The following XKR6 variants were observed in gnomAD, a reference collection of about 807,000 sequenced individuals.
XKR6 encodes the protein XK-related protein 6.
A neutral mutation model predicts 56.7 loss-of-function variants in XKR6; 22 were observed. The ratio of observed to expected loss-of-function variants is 0.39; its 90% CI spans 0.28 to 0.55. The LOEUF (loss-of-function observed/expected upper bound fraction) is 0.55. Among genes scored for constraint, XKR6 ranks in the 20% least tolerant of loss-of-function variants. The pLI is 0.66. For synonymous variants in XKR6, 524 were observed against 387.8 expected (o/e 1.35, Z -4.13); for missense variants, 852 against 889.0 (o/e 0.96, Z 0.53).
At chr8:11,042,317 A>T (rs1490756557) in intron 1 of XKR6, among the ~76,000 whole-genome samples, 1 of 151,794 alleles carries the variant, frequency 6.6e-6, no homozygotes, top group Non-Finnish European at 1.5e-5. Context: ...CCCAAATCTC[A>T]TCTTGAACTG....
chr8:11,018,004 A>G (rs1457086820), intron 1 of XKR6, among the ~76,000 whole-genome samples: 1 of 152,072 alleles, frequency 6.6e-6, no homozygotes, highest in African/African-American at 2.4e-5. Context: ...GGCACCTGAA[A>G]TGACAAAGGT....
intron 1 of XKR6, among the ~76,000 whole-genome samples, chr8:11,115,719 T>C (rs866710395): frequency 6.6e-6 from 1 of 152,214 alleles, no homozygotes; most frequent in East Asian, 1.9e-4. Flanking sequence ...AGGGTCCCAT[T>C]ACTGCAACGC....
At chr8:11,102,377 G>T (rs1798516597) in intron 1 of XKR6, among the ~76,000 whole-genome samples, 1 of 152,104 alleles carries the variant, frequency 6.6e-6, no homozygotes, top group Admixed American at 6.5e-5. Context: ...AGTCTAGTAA[G>T]CATCATCAAT....
At chr8:11,123,196 C>A (rs1441902710) in intron 1 of XKR6, among the ~76,000 whole-genome samples, 2 of 149,078 alleles carry the variant, frequency 1.3e-5, no homozygotes, top group Non-Finnish European at 3.0e-5. Context: ...GAGATTGTGC[C>A]ACTGCACTCC....
chr8:10,925,030 G>C (rs1800839600), intron 1 of XKR6, among the ~76,000 whole-genome samples, 200 bp from the exon 2 acceptor site: 1 of 152,130 alleles, frequency 6.6e-6, no homozygotes, highest in East Asian at 1.9e-4. Context: ...GGGCGGGGCA[G>C]GTCAGGAAAG....
At chr8:11,015,257 G>A (rs11784312) in intron 1 of XKR6, among the ~76,000 whole-genome samples, 40,440 of 151,082 alleles carry the variant, frequency 0.27, 6,178 homozygotes, top group Middle Eastern at 0.37. Context: ...CCTTAGCATT[G>A]CTCTGAAATC....
At chr8:11,039,710 G>C (rs575286022) in intron 1 of XKR6, among the ~76,000 whole-genome samples, 4 of 152,164 alleles carry the variant, frequency 2.6e-5, no homozygotes, top group African/African-American at 9.7e-5. Flanking sequence ...ATCTGTACTC[G>C]CCCCTTCCCA....
chr8:11,128,718 C>T (rs58099531), intron 1 of XKR6: 4,317 of 406,070 alleles, frequency 0.011, 170 homozygotes, highest in African/African-American at 0.078. Flanking sequence ...AACACCTATT[C>T]CATCCCATTA....
At chr8:10,924,592 A>G in intron 2 of XKR6, 42 bp downstream of exon 2, 1 of 1,570,642 alleles carries the variant, frequency 6.4e-7, no homozygotes, top group Non-Finnish European at 8.7e-7. Context: ...CCCCAGGTGG[A>G]GGGCAGGCCG....
chr8:10,937,806 C>G (rs1181474051), intron 1 of XKR6, among the ~76,000 whole-genome samples: 13 of 151,854 alleles, frequency 8.6e-5, no homozygotes, highest in African/African-American at 2.2e-4. Flanking sequence ...CTCTTCAAAG[C>G]TGTCAGACAG....
intron 1 of XKR6, among the ~76,000 whole-genome samples, chr8:11,043,308 C>A (rs549158589): frequency 1.2e-3 from 177 of 152,192 alleles, no homozygotes; most frequent in African/African-American, 4.1e-3. Flanking sequence ...GTCTCCCCTG[C>A]AGCAGGAACT....
intron 1 of XKR6, among the ~76,000 whole-genome samples, chr8:11,159,924 A>C (rs1261295697): frequency 6.6e-6 from 1 of 152,196 alleles, no homozygotes; most frequent in Non-Finnish European, 1.5e-5. Context: ...CCCCAAGGGC[A>C]AGCCAAAAGC....
intron 1 of XKR6, among the ~76,000 whole-genome samples, chr8:11,146,181 C>T (rs534403434): frequency 1.8e-4 from 27 of 152,172 alleles, no homozygotes; most frequent in Non-Finnish European, 4.4e-5. Flanking sequence ...ATCCACACTT[C>T]ATACCATATA....
chr8:11,133,607 G>C (rs1800228139), intron 1 of XKR6, among the ~76,000 whole-genome samples: 1 of 152,134 alleles, frequency 6.6e-6, no homozygotes, highest in Non-Finnish European at 1.5e-5. Context: ...ACTCAGCAAA[G>C]AATTGTGTGT....
chr8:11,137,486 T>A, intron 1 of XKR6: 1 of 445,450 alleles, frequency 2.2e-6, no homozygotes, highest in Non-Finnish European at 4.5e-6. Context: ...TATCTGAGAA[T>A]AGAATCTCTG....
At chr8:10,913,084 A>G (rs1800456573) in intron 2 of XKR6, among the ~76,000 whole-genome samples, 2 of 151,350 alleles carry the variant, frequency 1.3e-5, no homozygotes, top group Non-Finnish European at 2.9e-5. Context: ...AGGTGAGTAT[A>G]TCTATATATA....
intron 1 of XKR6, among the ~76,000 whole-genome samples, chr8:11,107,620 T>C (rs1798727787): frequency 6.6e-6 from 1 of 152,194 alleles, no homozygotes; most frequent in Non-Finnish European, 1.5e-5. Flanking sequence ...GCACTCTCTC[T>C]GTAGATGCGA....
rs563586385 is a variant in XKR6, at chr8:10,960,614, G to T, written c.765-35784C>A. On this transcript the variant is annotated intron_variant, in intron 1 of 2. Transcript: ENST00000416569. The stretch of plus-strand genomic sequence containing the variant: ...TCCTCAACACAGCCCAGCCACAGGG[G>T]CATCATTCTCAATTTACAGATAAGG... Among the ~76,000 whole-genome samples the T allele has an allele frequency of 1.1e-4, 16 of 152,280 alleles. No homozygotes were observed. In the South Asian group the frequency reaches 3.3e-3, roughly 32 times the overall value.
chr8:11,125,011 C>A (rs1799692991), intron 1 of XKR6, among the ~76,000 whole-genome samples: 1 of 150,434 alleles, frequency 6.6e-6, no homozygotes, highest in African/African-American at 2.4e-5. Context: ...ATGGCGTGAA[C>A]CCGGGAGGTG....
Sources: gnomAD v4.1 joint callset for allele counts (sites outside exome capture counted in the v4.1 genomes callset) on GRCh38, gnomAD v4.1.1 for gene constraint, MANE v1.5 for transcripts, NCBI Gene and HGNC (gene_info 2026-07-23, HGNC 2026-07-21) for gene names.